MAP3K5: variants seen among roughly 807,000 people sequenced by gnomAD.
MAP3K5 encodes ASK-1.
In MAP3K5, 56 loss-of-function variants were observed where a neutral mutation model predicts 158.7. That is an observed-to-expected ratio of 0.35 (90% CI 0.28 to 0.44). The LOEUF (loss-of-function observed/expected upper bound fraction) is 0.44. MAP3K5 is among the 20% of genes least tolerant of loss of function. The pLI is 1.00. For missense variants in MAP3K5, 1,294 were observed against 1,674.8 expected, an observed-to-expected ratio of 0.77 and a Z score of 3.97; for synonymous variants, 579 against 601.7, an observed-to-expected ratio of 0.96 and a Z score of 0.55.
chr6:136,738,116 A>G (rs1026887645), intron 1 of MAP3K5, among the ~76,000 whole-genome samples: 1 of 152,230 alleles, frequency 6.6e-6, no homozygotes, highest in Non-Finnish European at 1.5e-5. Context: ...GGAAGTTTAC[A>G]GGGAGAAAAA....
chr6:136,621,371 G>T (rs953507813), intron 15 of MAP3K5, among the ~76,000 whole-genome samples: 1 of 151,876 alleles, frequency 6.6e-6, no homozygotes, highest in Non-Finnish European at 1.5e-5. Context: ...ATGTGAATAC[G>T]ATTCACAATC....
intron 29 of MAP3K5, among the ~76,000 whole-genome samples, chr6:136,558,374 A>G (rs1306100925): frequency 4.6e-5 from 7 of 151,138 alleles, no homozygotes; most frequent in Admixed American, 3.3e-4. Context: ...GTGAGACTCC[A>G]TCCCGAAAAA....
intron 14 of MAP3K5, among the ~76,000 whole-genome samples, chr6:136,628,226 T>C (rs2129099330): frequency 6.6e-6 from 1 of 152,154 alleles, no homozygotes; most frequent in East Asian, 1.9e-4. Context: ...ATCCTCCCAC[T>C]TCAGCCTCCT....
chr6:136,728,351 T>C (rs569657449), intron 1 of MAP3K5, among the ~76,000 whole-genome samples: 1 of 152,292 alleles, frequency 6.6e-6, no homozygotes, highest in Admixed American at 6.5e-5. Flanking sequence ...CTAAAAGTCA[T>C]GTCCTGTTAG....
intron 1 of MAP3K5, among the ~76,000 whole-genome samples, chr6:136,783,779 G>A (rs1402275806): frequency 2.0e-5 from 3 of 152,134 alleles, no homozygotes; most frequent in Non-Finnish European, 4.4e-5. Context: ...ATTTTCCTAT[G>A]GTTCTCTACT....
chr6:136,684,351 T>C (rs1205415898), intron 7 of MAP3K5, among the ~76,000 whole-genome samples: 1 of 152,140 alleles, frequency 6.6e-6, no homozygotes, highest in Non-Finnish European at 1.5e-5. Context: ...CAATTATTAT[T>C]AATATTTCTA....
intron 1 of MAP3K5, among the ~76,000 whole-genome samples, chr6:136,770,318 T>G (rs962435579): frequency 6.6e-6 from 1 of 152,078 alleles, no homozygotes; most frequent in African/African-American, 2.4e-5. Flanking sequence ...CTGGGCAAAG[T>G]AGAAAAGGTT....
At chr6:136,636,697 C>T in intron 14 of MAP3K5, 1 of 383,738 alleles carries the variant, frequency 2.6e-6, no homozygotes, top group Non-Finnish European at 3.6e-6. Context: ...AATTCTAGTG[C>T]TTTGGGAGGC....
intron 1 of MAP3K5, among the ~76,000 whole-genome samples, chr6:136,729,253 A>C (rs928113964): frequency 6.6e-6 from 1 of 152,222 alleles, no homozygotes; most frequent in African/African-American, 2.4e-5. Flanking sequence ...AAGAGTAATG[A>C]GCATGTAAAT....
intron 14 of MAP3K5, among the ~76,000 whole-genome samples, chr6:136,626,858 T>C (rs1003534698): frequency 2.0e-5 from 3 of 152,190 alleles, no homozygotes; most frequent in African/African-American, 7.2e-5. Flanking sequence ...TACTTTCAAT[T>C]TACAAATGAT....
At chr6:136,594,427 G>C (rs1339441089) in intron 21 of MAP3K5, among the ~76,000 whole-genome samples, 1 of 152,164 alleles carries the variant, frequency 6.6e-6, no homozygotes, top group Non-Finnish European at 1.5e-5. Flanking sequence ...TCGCTATTTG[G>C]GGGGAACGGA....
intron 1 of MAP3K5, among the ~76,000 whole-genome samples, chr6:136,772,162 G>A (rs559161667): frequency 4.7e-5 from 7 of 147,964 alleles, no homozygotes; most frequent in South Asian, 2.1e-4. Context: ...GGTGATCTGC[G>A]CCCCTCGGCC....
At chr6:136,776,667 C>T (rs1008640475) in intron 1 of MAP3K5, among the ~76,000 whole-genome samples, 13 of 152,184 alleles carry the variant, frequency 8.5e-5, no homozygotes, top group South Asian at 2.1e-4. Context: ...CCTCCAACAC[C>T]GACAAATTCT....
intron 21 of MAP3K5, among the ~76,000 whole-genome samples, chr6:136,597,633 T>G (rs1298179793): frequency 6.6e-6 from 1 of 152,216 alleles, no homozygotes; most frequent in East Asian, 1.9e-4. Context: ...GGGCCAGGCA[T>G]TTTAATTTTT....
chr6:136,685,214 A>G (rs1780097372), intron 7 of MAP3K5, among the ~76,000 whole-genome samples: 1 of 152,046 alleles, frequency 6.6e-6, no homozygotes, highest in African/African-American at 2.4e-5. Flanking sequence ...GCTACTCAGC[A>G]GGCTGAGACA....
chr6:136,614,443 G>A (rs1311184510), intron 15 of MAP3K5, among the ~76,000 whole-genome samples, 157 bp from the exon 16 acceptor site: 1 of 152,184 alleles, frequency 6.6e-6, no homozygotes, highest in Non-Finnish European at 1.5e-5. Flanking sequence ...TAAATTCTAT[G>A]AGGTTGAAGG....
intron 11 of MAP3K5, among the ~76,000 whole-genome samples, chr6:136,648,916 C>T (rs1364760860): frequency 6.6e-6 from 1 of 152,224 alleles, no homozygotes; most frequent in African/African-American, 2.4e-5. Flanking sequence ...AAGTCTACCT[C>T]ATAGAATTGT....
intron 23 of MAP3K5, among the ~76,000 whole-genome samples, chr6:136,588,187 C>T (rs1775222203): frequency 1.3e-5 from 2 of 152,178 alleles, no homozygotes; most frequent in Admixed American, 1.3e-4. Context: ...GCCTAATCCC[C>T]ACCCCACTTT....
intron 2 of MAP3K5, among the ~76,000 whole-genome samples, chr6:136,713,439 T>C (rs556754385): frequency 2.6e-5 from 4 of 152,210 alleles, no homozygotes; most frequent in African/African-American, 9.6e-5. Context: ...AGGTATACTA[T>C]TGCTAATTGA....
Sources: allele counts gnomAD v4.1 joint callset (sites outside exome capture counted in the v4.1 genomes callset), GRCh38; gene constraint gnomAD v4.1.1; transcripts MANE v1.5; gene names NCBI Gene and HGNC (gene_info 2026-07-23, HGNC 2026-07-21).